GCC2: variants seen among roughly 807,000 people sequenced by gnomAD.
GCC2 encodes GRIP and coiled-coil domain containing 2, also known as GRIP and coiled-coil domain-containing protein 2.
Under a neutral mutation model 210.6 loss-of-function variants are expected in GCC2, and 120 were observed. That is an observed-to-expected ratio of 0.57 (90% CI 0.49 to 0.66). The LOEUF (loss-of-function observed/expected upper bound fraction) is 0.66, where lower values mean the gene tolerates loss of function less well. Among genes scored for constraint, GCC2 ranks in the 30% least tolerant of loss-of-function variants. The pLI, the probability that GCC2 is intolerant of heterozygous loss-of-function variation, is 0.00. For missense variants in GCC2, 1,868 were observed against 1,871.9 expected (o/e 1.00, Z 0.04); for synonymous variants, 703 against 652.7 (o/e 1.08, Z -1.17).
At chr2:108,485,526 G>T (rs893032279) in intron 13 of GCC2, 110 bp from the exon 14 acceptor site, 2 of 605,014 alleles carry the variant, frequency 3.3e-6, no homozygotes, top group Non-Finnish European at 5.8e-6. Context: ...ATAATAAAAA[G>T]CTAAAACAGG....
rs1409523903 is a variant in GCC2, at chr2:108,472,966, T to G, written c.2860+67T>G. ...GATTCTTCTTAGTGTTAGAATAGAT[T>G]GGGAAATATAGTAGCCAAATAATGA... On this transcript the variant is annotated intron_variant, in intron 7 of 22. Transcript: ENST00000309863. The G allele has an allele frequency of 4.5e-6, 4 of 898,752 alleles. No individual in the cohort carries two copies. In the East Asian group the frequency reaches 7.7e-5, roughly 17 times the overall value. The allele number at this position is 898,752 out of a possible 1,614,324, so 55.7% of individuals were successfully genotyped here. A position where few individuals can be genotyped will look rare whatever the true frequency, so the allele number is the denominator to read the frequency against.
rs3084885 is a variant in GCC2 at position 108,498,183 on chromosome 2, C to CTTTTTTTTTTTTTTTTTTTT, written c.4782+1085_4782+1104dup. On this transcript the variant is annotated intron_variant, in intron 21 of 22. Transcript: ENST00000309863. ...ATGACTTATTTAAATGTTATATTTT[C>CTTTTTTTTTTTTTTTTTTTT]TTTTTTTTTTTTTTTTTTTTTTTTT... Among the ~76,000 whole-genome samples, 4 of 57,466 alleles carry CTTTTTTTTTTTTTTTTTTTT rather than the reference C, an allele frequency of 7.0e-5. 1 individual carries two copies. The highest frequency in any genetic ancestry group is 9.4e-5 in the Non-Finnish European group (3 of 31,908). The allele number at this position is 57,466 out of a possible 152,430, so 37.7% of individuals were successfully genotyped here. A position where few individuals can be genotyped will look rare whatever the true frequency, so the allele number is the denominator to read the frequency against.
chr2:108,469,499 G>T, intron 5 of GCC2, 152 bp from the exon 6 acceptor site: 1 of 575,854 alleles, frequency 1.7e-6, no homozygotes, highest in Non-Finnish European at 3.1e-6. Flanking sequence ...CACCTAAGGA[G>T]AGTTATTGGA....
In GCC2 at chr2:108,486,600, A is replaced by C; in HGVS notation, c.3882A>C (p.Ala1294=). 1 of 1,614,048 alleles carries C rather than the reference A, an allele frequency of 6.2e-7. No individual in the cohort carries two copies. The highest frequency in any genetic ancestry group is 8.5e-7 in the Non-Finnish European group (1 of 1,179,882). The part of the protein sequence containing the change: ...SAEQHQRTLS[A]YQQRVTALQE... ...AACAGCACCAGCGTACGCTAAGTGC[A>C]TACCAGCAGAGAGTGACAGCACTAC... Residue 1294 remains alanine, a synonymous_variant, in exon 16 of 23, where the codon GCA becomes GCC. Transcript: ENST00000309863.
intron 15 of GCC2, 99 bp from the exon 16 acceptor site, chr2:108,486,412 G>T (rs748747589): frequency 9.2e-7 from 1 of 1,088,214 alleles, no homozygotes; most frequent in Admixed American, 1.7e-5. Flanking sequence ...TGCCTTATAT[G>T]TACTTATGTC....
At chr2:108,489,198 C>G (rs754630236) in intron 17 of GCC2, among the ~76,000 whole-genome samples, 10 of 152,144 alleles carry the variant, frequency 6.6e-5, no homozygotes, top group Non-Finnish European at 8.8e-5. Flanking sequence ...TCTGACATAC[C>G]ATTCTTATAA....
Position 108,475,813 on chromosome 2 carries a change from C to T in GCC2, c.3023C>T (p.Ser1008Phe). The T allele has an allele frequency of 6.2e-7, 1 of 1,600,104 alleles. No homozygotes were observed. Among genetic ancestry groups the T allele is most frequent in the Non-Finnish European group, 8.5e-7 (1 of 1,172,522 alleles). ...LRSEKDQLSA[S>F]MRDLIQGAES... ...TCAGAAAAGGACCAGTTATCTGCTTCCATGAGAGATCTCATTCAAGGAGCA... is the reference window on the plus strand; with the variant it reads ...TCAGAAAAGGACCAGTTATCTGCTTTCATGAGAGATCTCATTCAAGGAGCA... The change falls in exon 9 of 23, where the codon TCC (serine) becomes TTC (phenylalanine). Residue 1008 changes from serine to phenylalanine, a missense_variant. Ser to Phe is a radical substitution (Grantham distance 155). This residue lies in a region of GCC2 where 1,847 missense variants were observed against 1,765.2 expected (regional missense o/e 1.05). Transcript: ENST00000309863.
At chr2:108,482,256 G>T (rs1284539439) in intron 10 of GCC2, 31 bp from the exon 11 acceptor site, 5 of 1,377,100 alleles carry the variant, frequency 3.6e-6, no homozygotes, top group African/African-American at 2.9e-5. Context: ...TTTTTTGCAT[G>T]TTTATAGTAA....
Position 108,476,054 on chromosome 2 carries a change from C to CTTTTTTTTTTT in GCC2, c.3060+220_3060+230dup, listed in dbSNP as rs56236751. Among the ~76,000 whole-genome samples the CTTTTTTTTTTT allele has an allele frequency of 2.7e-4, 26 of 96,318 alleles. 2 individuals are homozygous for CTTTTTTTTTTT. The highest frequency in any genetic ancestry group is 1.8e-3 in the East Asian group (6 of 3,256). 63.2% of individuals were successfully genotyped at this position (96,318 alleles called of 152,430 possible). ...TGGTTAAGCTTTAAATAGTGGCTTGCTTTTTTTTTTTTTTTTTTTTTTTTT... is the reference window on the plus strand; with the variant it reads ...TGGTTAAGCTTTAAATAGTGGCTTGCTTTTTTTTTTTTTTTTTTTTTTTTTTTTTTTTTTTT... On this transcript the variant is annotated intron_variant, in intron 9 of 22. Coordinates refer to ENST00000309863, the MANE Select transcript of GCC2 (RefSeq NM_181453.4).
At chr2:108,459,388 T>C (rs1161599910) in intron 4 of GCC2, among the ~76,000 whole-genome samples, 1 of 152,222 alleles carries the variant, frequency 6.6e-6, no homozygotes, top group Non-Finnish European at 1.5e-5. Flanking sequence ...AAAATGATTT[T>C]GTGGCCTAAC....
chr2:108,457,447 C>G (rs915380958), intron 4 of GCC2, among the ~76,000 whole-genome samples: 3 of 151,954 alleles, frequency 2.0e-5, no homozygotes, highest in Non-Finnish European at 4.4e-5. Flanking sequence ...TTTTTTAACT[C>G]AGAATTTCTT....
rs1490652955 is a variant in GCC2 at position 108,471,828 on chromosome 2, G to A, written c.2499G>A (p.Leu833=). 3 of 1,613,368 alleles carry A rather than the reference G, an allele frequency of 1.9e-6. No homozygotes were observed. The Admixed American group carries it at 5.0e-5, about 27-fold the overall frequency. Residue 833 remains leucine, a synonymous_variant, in exon 6 of 23, where the codon TTG becomes TTA. Transcript: ENST00000309863. ...VVQCEELKSL[L]RDYEQEKVLL... ...AGTGTGAAGAACTTAAGTCTTTATTGAGAGACTATGAGCAAGAGAAAGTTC... is the reference window on the plus strand; with the variant it reads ...AGTGTGAAGAACTTAAGTCTTTATTAAGAGACTATGAGCAAGAGAAAGTTC...
chr2:108,496,972 C>G lies in GCC2; in HGVS notation c.4645C>G (p.Pro1549Ala), dbSNP rs969076325. Residue 1549 changes from proline (P) to alanine (A), a missense_variant and splice_region_variant, in exon 21 of 23, where the codon CCT becomes GCT. By Grantham distance (27) the Pro-to-Ala change is conservative. Around this residue, in one of 3 missense-constraint regions of GCC2, gnomAD observed 1,847 missense variants for 1,765.2 expected, o/e 1.05. Coordinates refer to ENST00000309863, the MANE Select transcript of GCC2 (RefSeq NM_181453.4). Reference protein sequence around the residue: ...LLNSPETKLEPPLWHAEFTKE... With the variant: ...LLNSPETKLEAPLWHAEFTKE... ...ATTCTTGGAACAACATGTTGCAGAG[C>G]CTCCATTATGGCATGCTGAATTTAC... The G allele has an allele frequency of 5.1e-5, 83 of 1,611,782 alleles. No individual in the cohort carries two copies. The highest frequency in any genetic ancestry group is 6.9e-5 in the Non-Finnish European group (81 of 1,179,842).
intron 3 of GCC2, 46 bp from the exon 4 acceptor site, chr2:108,452,353 T>C: frequency 2.1e-6 from 2 of 965,092 alleles, no homozygotes; most frequent in Non-Finnish European, 3.4e-6. Flanking sequence ...CCAGTAATTA[T>C]GTTCTTTATT....
intron 3 of GCC2, 90 bp from the exon 4 acceptor site, chr2:108,452,309 T>TG (rs371444812): frequency 1.6e-4 from 123 of 764,072 alleles, no homozygotes; most frequent in South Asian, 7.9e-4. Flanking sequence ...TGCAGATTTA[T>TG]GGGGGGTTTT....
At chr2:108,492,248 G>A (rs1357011780) in intron 18 of GCC2, among the ~76,000 whole-genome samples, 1 of 151,700 alleles carries the variant, frequency 6.6e-6, no homozygotes, top group Non-Finnish European at 1.5e-5. Context: ...CTAATTAAAA[G>A]TATAATTATT....
At position 108,484,238 on chromosome 2, in the gene GCC2, C is replaced by A; in HGVS notation, c.3540C>A (p.Asn1180Lys). 2.5e-6 allele frequency: 4 copies of A among 1,577,464 alleles called. No individual in the cohort carries two copies. Among genetic ancestry groups the A allele is most frequent in the Non-Finnish European group, 2.6e-6 (3 of 1,158,710 alleles). ...KELNQKLTNK[N>K]NKIEDLEQEI... ...TAAATCAAAAGTTAACTAATAAAAA[C>A]AACAAGATAGAAGATTTGGAGCAAG... Residue 1180 changes from asparagine (N) to lysine (K), a missense_variant, in exon 13 of 23, where the codon AAC becomes AAA. By Grantham distance (94) the Asn-to-Lys change is moderately conservative (BLOSUM62 0). Transcript: ENST00000309863.
At position 108,489,819 on chromosome 2, in the gene GCC2, C is replaced by A; in HGVS notation, c.4053-19C>A. On this transcript the variant is annotated intron_variant, in intron 17 of 22. Transcript: ENST00000309863. ...TCACCTTTTTCAAAAAATTTTAAAA[C>A]TGTGTATTTCTGTTTTAGGGAACAT... The A allele has an allele frequency of 1.3e-6, 2 of 1,551,772 alleles. No homozygotes were observed. The highest frequency in any genetic ancestry group is 2.4e-5 in the South Asian group (2 of 82,642).
intron 22 of GCC2, among the ~76,000 whole-genome samples, chr2:108,504,938 C>T (rs1241585505): frequency 1.3e-5 from 2 of 152,176 alleles, no homozygotes; most frequent in Non-Finnish European, 2.9e-5. Flanking sequence ...TTGATCATCT[C>T]CAGACTGGCA....
Sources: allele counts gnomAD v4.1 joint callset (sites outside exome capture counted in the v4.1 genomes callset), GRCh38; gene constraint gnomAD v4.1.1; regional missense constraint gnomAD v4.1.1; transcripts MANE v1.5; gene names NCBI Gene and HGNC (gene_info 2026-07-23, HGNC 2026-07-21).